CCNG2: variants seen among roughly 807,000 people sequenced by gnomAD.
CCNG2 encodes cyclin-G2.
A neutral mutation model predicts 36.5 loss-of-function variants in CCNG2; 20 were observed. That is an observed-to-expected ratio of 0.55 (90% CI 0.39 to 0.80). The LOEUF is 0.80. Among genes scored for constraint, CCNG2 ranks in the 30% least tolerant of loss-of-function variants. The probability of loss-of-function intolerance (pLI) is 0.00; values close to 1 mark genes in which losing one functional copy is unlikely to be tolerated. For synonymous variants in CCNG2, 155 were observed against 140.1 expected (o/e 1.11, Z -0.75); for missense variants, 358 against 390.8 (o/e 0.92, Z 0.71).
At position 77,158,617 on chromosome 4, in the gene CCNG2, G is replaced by A. The variant is rs1731339657; in HGVS notation, c.85G>A (p.Glu29Lys). The change falls in exon 2 of 8, where the codon GAG becomes AAG. Residue 29 changes from glutamate (E) to lysine (K), a missense_variant. Glu to Lys is a moderately conservative substitution (Grantham distance 56). Transcript: ENST00000316355. ...GTTGAACGTCTACCTGGAACAAGAA[G>A]AGAGATTCCAACCTCGAGAAAAAGG... is the stretch of plus-strand genomic sequence containing the variant. ...GLLNVYLEQE[E>K]RFQPREKGLS... 3 of 1,614,064 alleles carry A rather than the reference G, an allele frequency of 1.9e-6. No individual in the cohort carries two copies. The highest frequency in any genetic ancestry group is 1.6e-4 in the Middle Eastern group (1 of 6,084).
chr4:77,169,939 C>T lies in CCNG2; in HGVS notation c.*4015C>T, dbSNP rs1410384709. On this transcript the variant is annotated 3_prime_UTR_variant, in exon 8 of 8. Coordinates refer to ENST00000316355, the MANE Select transcript of CCNG2 (RefSeq NM_004354.3). The stretch of plus-strand genomic sequence containing the variant: ...TTATTTATGGTCAAATGGTGATTAT[C>T]TCTGGTGAGATTACAGGTGATGTTT... 2 of 152,144 alleles carry T rather than the reference C, an allele frequency of 1.3e-5. No homozygotes were observed. Among genetic ancestry groups the T allele is most frequent in the East Asian group, 3.8e-4 (2 of 5,200 alleles). 9.4% of individuals were successfully genotyped at this position (152,144 alleles called of 1,614,324 possible).
At position 77,166,860 on chromosome 4, in the gene CCNG2, T is replaced by A. The variant is rs775998965; in HGVS notation, c.*936T>A. ...GATTGAATATGAAGAACCCGAGTGT[T>A]TGTAGTATTATAGTTTTAAGCAAAT... On this transcript the variant is annotated 3_prime_UTR_variant, in exon 8 of 8. Transcript: ENST00000316355. The A allele has an allele frequency of 6.6e-6, 1 of 152,196 alleles. No individual in the cohort carries two copies. The highest frequency in any genetic ancestry group is 1.9e-4 in the East Asian group (1 of 5,202). The allele number at this position is 152,196 out of a possible 1,614,324, so 9.4% of individuals were successfully genotyped here. A position where few individuals can be genotyped will look rare whatever the true frequency, so the allele number is the denominator to read the frequency against.
chr4:77,158,807 C>T (rs1731345681), intron 2 of CCNG2, 137 bp downstream of exon 2: 1 of 801,710 alleles, frequency 1.2e-6, no homozygotes, highest in African/African-American at 1.7e-5. Context: ...CAAGATAAAC[C>T]TTATTACAGG....
rs1731646645 is a variant in CCNG2, at chr4:77,166,926, C to T, written c.*1002C>T. 6.6e-6 allele frequency: 1 copy of T among 152,174 alleles called. No individual in the cohort carries two copies. Among genetic ancestry groups the T allele is most frequent in the Admixed American group, 6.5e-5 (1 of 15,278 alleles). 9.4% of individuals were successfully genotyped at this position (152,174 alleles called of 1,614,324 possible). A position where few individuals can be genotyped will look rare whatever the true frequency, so the allele number is the denominator to read the frequency against. On this transcript the variant is annotated 3_prime_UTR_variant, in exon 8 of 8. Coordinates refer to ENST00000316355, the MANE Select transcript of CCNG2 (RefSeq NM_004354.3). ...GCCATAAGAATGGGGCTTATATAAACTCTGTACATGTAAGATTTTGTACAG... is the reference window on the plus strand; with the variant it reads ...GCCATAAGAATGGGGCTTATATAAATTCTGTACATGTAAGATTTTGTACAG...
rs533053724 is a variant in CCNG2 at position 77,165,952 on chromosome 4, A to G, written c.*28A>G. The G allele has an allele frequency of 7.6e-6, 12 of 1,579,886 alleles. No individual in the cohort carries two copies. In the East Asian group the frequency reaches 1.8e-4, roughly 24 times the overall value. ...ATCTGATTGTTCTGTCAGAATTTAT[A>G]TTTACAGGTTTCAAAGCAATAAATG... On this transcript the variant is annotated 3_prime_UTR_variant, in exon 8 of 8. Transcript: ENST00000316355.
intron 3 of CCNG2, 24 bp downstream of exon 3, chr4:77,159,528 T>C (rs1731368515): frequency 4.4e-6 from 7 of 1,606,618 alleles, no homozygotes; most frequent in African/African-American, 1.3e-5. Context: ...TTTATAAATA[T>C]GTCTTCCTTT....
chr4:77,159,627 A>AGAATTGT, intron 3 of CCNG2, 123 bp downstream of exon 3: 1 of 892,424 alleles, frequency 1.1e-6, no homozygotes. Flanking sequence ...ATTTATAATC[A>AGAATTGT]GAATTGTGAT....
chr4:77,159,607 G>T (rs1731371886), intron 3 of CCNG2, 103 bp downstream of exon 3: 1 of 1,067,772 alleles, frequency 9.4e-7, no homozygotes, highest in African/African-American at 1.6e-5. Context: ...AACGTCCACT[G>T]TACATAAAAA....
chr4:77,164,506 CT>C, intron 7 of CCNG2, 27 bp downstream of exon 7: 2 of 1,509,090 alleles, frequency 1.3e-6, no homozygotes, highest in Non-Finnish European at 9.2e-7. Context: ...ACTAATTAAA[CT>C]TCCCTAGACT....
At position 77,169,452 on chromosome 4, in the gene CCNG2, C is replaced by CA. The variant is rs1577910868; in HGVS notation, c.*3529dup. Reference sequence around the variant, plus strand: ...ATAGTTTCCCAGTATGATGGCCAGTCAGTCTTTCCATCCCTGTGCCTACAT... The same window carrying CA: ...ATAGTTTCCCAGTATGATGGCCAGTCAAGTCTTTCCATCCCTGTGCCTACAT... On this transcript the variant is annotated 3_prime_UTR_variant, in exon 8 of 8. Coordinates refer to ENST00000316355, the MANE Select transcript of CCNG2 (RefSeq NM_004354.3). The CA allele has an allele frequency of 1.3e-5, 2 of 152,206 alleles. No individual in the cohort carries two copies. The highest frequency in any genetic ancestry group is 4.8e-5 in the African/African-American group (2 of 41,442). 9.4% of individuals were successfully genotyped at this position (152,206 alleles called of 1,614,324 possible). A position where few individuals can be genotyped will look rare whatever the true frequency, so the allele number is the denominator to read the frequency against.
At position 77,159,349 on chromosome 4, in the gene CCNG2, TC is replaced by T; in HGVS notation, c.139-17del. 3 of 1,598,256 alleles carry T rather than the reference TC, an allele frequency of 1.9e-6. No individual in the cohort carries two copies. The highest frequency in any genetic ancestry group is 2.6e-6 in the Non-Finnish European group (3 of 1,172,056). On this transcript the variant is annotated splice_polypyrimidine_tract_variant and intron_variant, in intron 2 of 7. Coordinates refer to ENST00000316355, the MANE Select transcript of CCNG2 (RefSeq NM_004354.3). ...TTCTAAGAAAATTGTAAACCTTGGT[TC>T]TTGGTTTTTATTGCAGAATGATAAC...
chr4:77,163,166 G>A (rs377228500), intron 6 of CCNG2, among the ~76,000 whole-genome samples: 4 of 152,090 alleles, frequency 2.6e-5, no homozygotes, highest in South Asian at 2.1e-4. Context: ...TAGTTGAAAC[G>A]GTAAGAAGCT....
In CCNG2 at chr4:77,160,705, C is replaced by T; in HGVS notation, c.277-16C>T. 1 of 1,604,370 alleles carries T rather than the reference C, an allele frequency of 6.2e-7. No homozygotes were observed. Reference sequence around the variant, plus strand: ...AAGTGACAGTTGTTAAAAGAAGCCTCTTGTTTTTTTCTCAGGTGAAACCTA... The same window carrying T: ...AAGTGACAGTTGTTAAAAGAAGCCTTTTGTTTTTTTCTCAGGTGAAACCTA... On this transcript the variant is annotated splice_polypyrimidine_tract_variant and intron_variant, in intron 3 of 7. Transcript: ENST00000316355.
intron 4 of CCNG2, 126 bp downstream of exon 4, chr4:77,161,097 A>AT (rs150342928): frequency 1.5e-5 from 7 of 475,252 alleles, no homozygotes; most frequent in African/African-American, 3.1e-5. Context: ...TTATTGGTAA[A>AT]TCTTTTTTTT....
chr4:77,168,402 AC>A lies in CCNG2; in HGVS notation c.*2479del, dbSNP rs1182939626. On this transcript the variant is annotated 3_prime_UTR_variant, in exon 8 of 8. Coordinates refer to ENST00000316355, the MANE Select transcript of CCNG2 (RefSeq NM_004354.3). ...ACTCCTGGTCTCTGCCTTCCTATCTACATATCCTTTTAAAATAAAATTTTAA... is the reference window on the plus strand; with the variant it reads ...ACTCCTGGTCTCTGCCTTCCTATCTAATATCCTTTTAAAATAAAATTTTAA... 6.6e-6 allele frequency: 1 copy of A among 152,146 alleles called. No homozygotes were observed. The highest frequency in any genetic ancestry group is 2.4e-5 in the African/African-American group (1 of 41,402). The allele number at this position is 152,146 out of a possible 1,614,324, so 9.4% of individuals were successfully genotyped here. A position where few individuals can be genotyped will look rare whatever the true frequency, so the allele number is the denominator to read the frequency against.
Position 77,166,641 on chromosome 4 carries a change from TC to T in CCNG2, c.*718del, listed in dbSNP as rs1402707021. 1 of 152,236 alleles carries T rather than the reference TC, an allele frequency of 6.6e-6. No homozygotes were observed. The highest frequency in any genetic ancestry group is 2.4e-5 in the African/African-American group (1 of 41,462). 9.4% of individuals were successfully genotyped at this position (152,236 alleles called of 1,614,324 possible). On this transcript the variant is annotated 3_prime_UTR_variant, in exon 8 of 8. Coordinates refer to ENST00000316355, the MANE Select transcript of CCNG2 (RefSeq NM_004354.3). ...TTAATGTTACTTTAAAAATCCATAATCTGCTAGTTTTGCATGTACTTATATG... is the reference window on the plus strand; with the variant it reads ...TTAATGTTACTTTAAAAATCCATAATTGCTAGTTTTGCATGTACTTATATG...
Position 77,160,915 on chromosome 4 carries a change from T to C in CCNG2, c.471T>C (p.Thr157=). The C allele has an allele frequency of 6.2e-7, 1 of 1,610,494 alleles. No individual in the cohort carries two copies. Among genetic ancestry groups the C allele is most frequent in the Non-Finnish European group, 8.5e-7 (1 of 1,179,098 alleles). ...EKLHYELEAT[T]ALNFLHLYHT... ...TGCACTATGAATTGGAAGCTACTAC[T>C]GCCTTAAACTTTTTGCACTTATACC... Residue 157 remains threonine, a synonymous_variant, in exon 4 of 8, where the codon ACT becomes ACC. Coordinates refer to ENST00000316355, the MANE Select transcript of CCNG2 (RefSeq NM_004354.3).
In CCNG2 at chr4:77,167,017, T is replaced by C; in HGVS notation, c.*1093T>C. 1 of 152,208 alleles carries C rather than the reference T, an allele frequency of 6.6e-6. No homozygotes were observed. Among genetic ancestry groups the C allele is most frequent in the East Asian group, 1.9e-4 (1 of 5,204 alleles). 9.4% of individuals were successfully genotyped at this position (152,208 alleles called of 1,614,324 possible). A position where few individuals can be genotyped will look rare whatever the true frequency, so the allele number is the denominator to read the frequency against. On this transcript the variant is annotated 3_prime_UTR_variant, in exon 8 of 8. Coordinates refer to ENST00000316355, the MANE Select transcript of CCNG2 (RefSeq NM_004354.3). ...CTTTTAAAATGTACATAAAATACTG[T>C]ATTTTTTTACCTTGTGTGTGATAGT...
At chr4:77,159,288 C>T (rs1731362368) in intron 2 of CCNG2, 79 bp from the exon 3 acceptor site, 3 of 1,346,274 alleles carry the variant, frequency 2.2e-6, no homozygotes, top group Non-Finnish European at 3.1e-6. Context: ...AAAAAATTAA[C>T]CTTATTCTTT....
Sources: allele counts gnomAD v4.1 joint callset (sites outside exome capture counted in the v4.1 genomes callset), GRCh38; gene constraint gnomAD v4.1.1; transcripts MANE v1.5; gene names NCBI Gene and HGNC (gene_info 2026-07-23, HGNC 2026-07-21).